Variants in RNF214 observed in about 807,000 individuals in gnomAD.
RNF214 encodes ring finger protein 214.
In RNF214, 25 loss-of-function variants were observed where a neutral mutation model predicts 75.9. That is an observed-to-expected ratio of 0.33 (90% confidence interval 0.24 to 0.46). RNF214 has a LOEUF of 0.46. Among genes scored for constraint, RNF214 ranks in the 20% least tolerant of loss-of-function variants. The probability of loss-of-function intolerance (pLI) is 1.00; values close to 1 mark genes in which losing one functional copy is unlikely to be tolerated. For missense variants in RNF214, 725 were observed against 857.5 expected, an observed-to-expected ratio of 0.85 and a Z score of 1.93; for synonymous variants, 314 against 308.8, an observed-to-expected ratio of 1.02 and a Z score of -0.18.
chr11:117,262,455 C>T (rs910523195), intron 6 of RNF214, among the ~76,000 whole-genome samples: 1 of 152,134 alleles, frequency 6.6e-6, no homozygotes, highest in African/African-American at 2.4e-5. Context: ...TCATAGCTCA[C>T]TGGAGCCTCA....
chr11:117,232,829 G>T (rs1297206343), intron 1 of RNF214, 103 bp downstream of exon 1: 1 of 150,994 alleles, frequency 6.6e-6, no homozygotes, highest in Admixed American at 6.6e-5. Flanking sequence ...CGGGCATGGG[G>T]GTCGGGTGGG....
At chr11:117,270,600 A>AC (rs2033890936) in intron 6 of RNF214, among the ~76,000 whole-genome samples, 1 of 141,766 alleles carries the variant, frequency 7.1e-6, no homozygotes, top group African/African-American at 2.6e-5. Context: ...GGTGCCTACT[A>AC]CCACACCCGG....
At chr11:117,267,963 A>C (rs919521348) in intron 6 of RNF214, among the ~76,000 whole-genome samples, 13 of 152,210 alleles carry the variant, frequency 8.5e-5, no homozygotes, top group Non-Finnish European at 1.9e-4. Context: ...ACATTAAATC[A>C]GATGTGATGC....
At chr11:117,234,521 A>G (rs926140048) in intron 2 of RNF214, 142 bp downstream of exon 2, 6 of 582,410 alleles carry the variant, frequency 1.0e-5, no homozygotes, top group African/African-American at 5.6e-5. Context: ...CTATCTTTGT[A>G]TTTCTGGTAT....
chr11:117,284,602 A>C (rs1242678429), intron 14 of RNF214, among the ~76,000 whole-genome samples: 1 of 152,154 alleles, frequency 6.6e-6, no homozygotes, highest in Non-Finnish European at 1.5e-5. Flanking sequence ...GTTCACTTGC[A>C]CTGAGGATTC....
intron 6 of RNF214, among the ~76,000 whole-genome samples, chr11:117,262,585 T>C (rs1456502756): frequency 2.0e-5 from 3 of 152,004 alleles, no homozygotes; most frequent in African/African-American, 7.3e-5. Context: ...TCTCGCTATA[T>C]TGTCTAGGTT....
At chr11:117,241,505 G>A (rs189387437) in intron 4 of RNF214, among the ~76,000 whole-genome samples, 4 of 151,540 alleles carry the variant, frequency 2.6e-5, no homozygotes, top group East Asian at 1.9e-4. Context: ...GCTTGAACCC[G>A]GGAGGTAGAG....
intron 6 of RNF214, among the ~76,000 whole-genome samples, chr11:117,268,999 G>T (rs55689266): frequency 1.3e-5 from 2 of 152,320 alleles, no homozygotes; most frequent in Non-Finnish European, 2.9e-5. Flanking sequence ...AAGCACAGGG[G>T]AATTGCAGGA....
rs1026937898 is a variant in RNF214, at chr11:117,277,419, A to G, written c.960-2489A>G. ...AGATTAAGGCAGAAAATGCCCACCT[A>G]CTTCTCATTTCTAATAGATGAATAT... On this transcript the variant is annotated intron_variant, in intron 6 of 14. Coordinates refer to ENST00000300650, the MANE Select transcript of RNF214 (RefSeq NM_207343.4). Among the ~76,000 whole-genome samples the G allele has an allele frequency of 3.3e-5, 5 of 152,290 alleles. No individual in the cohort carries two copies. The East Asian group carries it at 5.8e-4, about 18-fold the overall frequency.
At chr11:117,272,178 G>A (rs184915897) in intron 6 of RNF214, among the ~76,000 whole-genome samples, 2 of 152,182 alleles carry the variant, frequency 1.3e-5, no homozygotes, top group East Asian at 1.9e-4. Flanking sequence ...GTGAGCTTAC[G>A]ATTGTGCCAC....
At chr11:117,274,278 A>G (rs1311347554) in intron 6 of RNF214, among the ~76,000 whole-genome samples, 1 of 151,380 alleles carries the variant, frequency 6.6e-6, no homozygotes, top group Admixed American at 6.6e-5. Flanking sequence ...GTTAGTTAGA[A>G]TTTGGGGCCA....
intron 6 of RNF214, among the ~76,000 whole-genome samples, chr11:117,264,193 G>C (rs1318709213): frequency 6.6e-6 from 1 of 152,220 alleles, no homozygotes; most frequent in Non-Finnish European, 1.5e-5. Flanking sequence ...CGTGGTGGCG[G>C]GCGCCTGTGG....
chr11:117,279,201 A>G (rs1462618398), intron 6 of RNF214, among the ~76,000 whole-genome samples: 3 of 152,228 alleles, frequency 2.0e-5, no homozygotes, highest in African/African-American at 4.8e-5. Context: ...GCAGAATGCC[A>G]TAATGGTTTT....
intron 6 of RNF214, among the ~76,000 whole-genome samples, chr11:117,263,086 C>T (rs2134394751): frequency 6.6e-6 from 1 of 151,682 alleles, no homozygotes; most frequent in South Asian, 2.1e-4. Context: ...AGATTACAGG[C>T]GTGAGCCACT....
chr11:117,239,806 C>T lies in RNF214; in HGVS notation c.624C>T (p.Asp208=), dbSNP rs2033021822. ...KLSQNIAVQT[D]FKTADSEVNT... is the part of the protein sequence containing the mutation. Reference sequence around the variant, plus strand: ...ATAACTTTTTTCCTTTATAGACTGACTTTAAGACAGCTGATTCAGAGGTAA... The same window carrying T: ...ATAACTTTTTTCCTTTATAGACTGATTTTAAGACAGCTGATTCAGAGGTAA... The change falls in exon 4 of 15, where the codon GAC becomes GAT. Residue 208 remains aspartate (D), a synonymous_variant. Transcript: ENST00000300650. The T allele has an allele frequency of 3.9e-6, 6 of 1,550,464 alleles. No homozygotes were observed. Among genetic ancestry groups the T allele is most frequent in the Admixed American group, 3.3e-5 (2 of 59,848 alleles).
At chr11:117,281,119 C>T (rs545616162) in intron 8 of RNF214, among the ~76,000 whole-genome samples, 195 bp from the exon 9 acceptor site, 2 of 151,174 alleles carry the variant, frequency 1.3e-5, no homozygotes, top group South Asian at 4.2e-4. Flanking sequence ...GGACTATAGG[C>T]GTGAGCCACC....
At chr11:117,242,187 G>A (rs372590529) in intron 4 of RNF214, among the ~76,000 whole-genome samples, 5 of 152,190 alleles carry the variant, frequency 3.3e-5, no homozygotes, top group African/African-American at 1.2e-4. Flanking sequence ...ATATCTAAAT[G>A]TACACTTTTT....
At chr11:117,268,744 G>A (rs187793638) in intron 6 of RNF214, among the ~76,000 whole-genome samples, 1 of 152,164 alleles carries the variant, frequency 6.6e-6, no homozygotes, top group African/African-American at 2.4e-5. Flanking sequence ...GAATTTGATT[G>A]GGTTTGTATA....
At chr11:117,242,581 A>T (rs1366223606) in intron 4 of RNF214, among the ~76,000 whole-genome samples, 3 of 152,230 alleles carry the variant, frequency 2.0e-5, no homozygotes. Context: ...GGCCGGGTGC[A>T]GTGGCTCACA....
Sources: gnomAD v4.1 joint callset for allele counts (sites outside exome capture counted in the v4.1 genomes callset) on GRCh38, gnomAD v4.1.1 for gene constraint, MANE v1.5 for transcripts, NCBI Gene and HGNC (gene_info 2026-07-23, HGNC 2026-07-21) for gene names.